Variants in XNDC1N observed in about 807,000 individuals in gnomAD.
XNDC1N encodes protein XNDC1N.
At chr11:71,892,031 T>G in the XNDC1N span, among the ~76,000 whole-genome samples, 23 of 151,998 alleles carry the variant, frequency 1.5e-4, no homozygotes, top group African/African-American at 5.3e-4. Context: ...CCCTGGATAT[T>G]AGGAACAATA....
At chr11:71,874,479 G>T in the XNDC1N span, among the ~76,000 whole-genome samples, 2 of 152,312 alleles carry the variant, frequency 1.3e-5, no homozygotes, top group South Asian at 4.1e-4. Flanking sequence ...GCCCATCACT[G>T]AGAGAGCAAG....
the XNDC1N span, among the ~76,000 whole-genome samples, chr11:71,876,691 T>C: frequency 3.9e-5 from 6 of 152,222 alleles, no homozygotes; most frequent in Non-Finnish European, 8.8e-5. Context: ...ATTATGCCCT[T>C]AGTGTTCCAT....
At chr11:71,892,151 A>G in the XNDC1N span, among the ~76,000 whole-genome samples, 1 of 152,156 alleles carries the variant, frequency 6.6e-6, no homozygotes, top group Non-Finnish European at 1.5e-5. Context: ...TGACATGAGG[A>G]GTAATATCTT....
the XNDC1N span, among the ~76,000 whole-genome samples, chr11:71,907,336 C>T: frequency 2.6e-5 from 4 of 151,478 alleles, no homozygotes; most frequent in African/African-American, 4.8e-5. Context: ...CGAGCCCCAT[C>T]GCAGGGGGGT....
the XNDC1N span, among the ~76,000 whole-genome samples, chr11:71,906,968 T>G: frequency 1.3e-5 from 2 of 152,056 alleles, no homozygotes; most frequent in Non-Finnish European, 2.9e-5. Flanking sequence ...GTGACATCCC[T>G]CCAGGATATT....
the XNDC1N span, among the ~76,000 whole-genome samples, chr11:71,908,267 A>G: frequency 1.3e-5 from 2 of 151,894 alleles, no homozygotes; most frequent in African/African-American, 4.8e-5. Context: ...AGGAGCTAAT[A>G]TGACTGTTTT....
chr11:71,910,982 A>G, the XNDC1N span, among the ~76,000 whole-genome samples: 1 of 152,262 alleles, frequency 6.6e-6, no homozygotes, highest in Non-Finnish European at 1.5e-5. Flanking sequence ...AGCCTATTCC[A>G]TCGTATGTAA....
At chr11:71,923,607 G>T in the XNDC1N span, 1 of 456,256 alleles carries the variant, frequency 2.2e-6, no homozygotes, top group African/African-American at 2.0e-5. Context: ...CCAGACTGGA[G>T]TGCAGTGGCG....
At chr11:71,875,263 G>A in the XNDC1N span, among the ~76,000 whole-genome samples, 1 of 146,500 alleles carries the variant, frequency 6.8e-6, no homozygotes, top group Non-Finnish European at 1.5e-5. Flanking sequence ...AAAGCTATAG[G>A]TGAATCACAA....
At chr11:71,877,287 A>C in the XNDC1N span, among the ~76,000 whole-genome samples, 1 of 151,574 alleles carries the variant, frequency 6.6e-6, no homozygotes, top group South Asian at 2.1e-4. Flanking sequence ...GAAACCATCT[A>C]GAAAGGAATG....
the XNDC1N span, among the ~76,000 whole-genome samples, chr11:71,885,445 T>C: frequency 6.6e-6 from 1 of 152,124 alleles, no homozygotes; most frequent in Non-Finnish European, 1.5e-5. Flanking sequence ...TTGGGAGTAA[T>C]AGCATTTTCT....
the XNDC1N span, among the ~76,000 whole-genome samples, chr11:71,879,111 G>A: frequency 3.3e-5 from 5 of 152,156 alleles, no homozygotes; most frequent in Non-Finnish European, 7.3e-5. Context: ...AAAATGAAAA[G>A]CGAATGAAGA....
the XNDC1N span, among the ~76,000 whole-genome samples, chr11:71,873,149 T>C: frequency 2.1e-3 from 294 of 141,354 alleles, 1 homozygote; most frequent in Non-Finnish European, 3.3e-3. Context: ...CCTCCTATTT[T>C]GTTTCAGTTT....
the XNDC1N span, among the ~76,000 whole-genome samples, chr11:71,915,292 C>CA: frequency 6.6e-6 from 1 of 151,870 alleles, no homozygotes; most frequent in African/African-American, 2.4e-5. Flanking sequence ...ACTAAAAATA[C>CA]AAAAAATTAG....
At chr11:71,900,994 C>T in the XNDC1N span, among the ~76,000 whole-genome samples, 1 of 152,180 alleles carries the variant, frequency 6.6e-6, no homozygotes, top group Non-Finnish European at 1.5e-5. Flanking sequence ...CAGGCGGATG[C>T]CCCTGCTCAC....
At chr11:71,919,929 C>CTTCTTTTTTTTTTTT in the XNDC1N span, among the ~76,000 whole-genome samples, 3 of 26,590 alleles carry the variant, frequency 1.1e-4, no homozygotes, top group Non-Finnish European at 1.7e-4. Context: ...AAGCAGGCCT[C>CTTCTTTTTTTTTTTT]TTTTTTTTTT....
chr11:71,917,314 A>T, the XNDC1N span: 1 of 650,176 alleles, frequency 1.5e-6, no homozygotes, highest in East Asian at 2.7e-5. Context: ...ACGCCTGGCC[A>T]CAAAAATATA....
chr11:71,884,364 G>A, the XNDC1N span: 2 of 1,490,938 alleles, frequency 1.3e-6, no homozygotes, highest in African/African-American at 1.4e-5. Flanking sequence ...AACATAAAAA[G>A]TAAGTAATAT....
chr11:71,874,132 T>C, the XNDC1N span, among the ~76,000 whole-genome samples: 23 of 152,230 alleles, frequency 1.5e-4, no homozygotes, highest in African/African-American at 5.1e-4. Context: ...CTAACCAACA[T>C]GGCGAAACTC....
Sources: gnomAD v4.1 joint callset for allele counts (sites outside exome capture counted in the v4.1 genomes callset) on GRCh38, gnomAD v4.1.1 for gene constraint, MANE v1.5 for transcripts, NCBI Gene and HGNC (gene_info 2026-07-23, HGNC 2026-07-21) for gene names.